Variants in ABCB11 observed in about 807,000 individuals in gnomAD.
ABCB11 encodes bile salt export pump.
In ABCB11, 95 loss-of-function variants were observed where a neutral mutation model predicts 148.0. The observed-to-expected ratio is 0.64, with a 90% CI of 0.54 to 0.76. ABCB11 has a LOEUF of 0.76. ABCB11 is among the 30% of genes least tolerant of loss of function. The pLI is 0.00. For synonymous variants in ABCB11, 591 were observed against 555.4 expected, an observed-to-expected ratio of 1.06 and a Z score of -0.90; for missense variants, 1,523 against 1,617.8, an observed-to-expected ratio of 0.94 and a Z score of 1.01.
chr2:168,978,090 A>G (rs140637528), intron 11 of ABCB11, among the ~76,000 whole-genome samples: 83 of 150,514 alleles, frequency 5.5e-4, no homozygotes, highest in Middle Eastern at 3.5e-3. Flanking sequence ...TTATTTGAGC[A>G]TATAACAATC....
chr2:168,996,422 C>T (rs1244881933), intron 6 of ABCB11, among the ~76,000 whole-genome samples: 1 of 151,764 alleles, frequency 6.6e-6, no homozygotes, highest in Non-Finnish European at 1.5e-5. Context: ...ATTACAACTA[C>T]GAGTCTATTA....
At chr2:168,998,141 G>C (rs544182713) in intron 5 of ABCB11, among the ~76,000 whole-genome samples, 5 of 152,116 alleles carry the variant, frequency 3.3e-5, no homozygotes, top group African/African-American at 7.2e-5. Flanking sequence ...TCTGAACAGA[G>C]AGTATACTAT....
chr2:168,946,690 A>T (rs1040369692), intron 19 of ABCB11, among the ~76,000 whole-genome samples: 1 of 151,778 alleles, frequency 6.6e-6, no homozygotes, highest in African/African-American at 2.4e-5. Flanking sequence ...TGGTCTATAG[A>T]ACAGCAGATT....
At chr2:168,937,601 A>G (rs78262659) in intron 21 of ABCB11, among the ~76,000 whole-genome samples, 2,475 of 152,352 alleles carry the variant, frequency 0.016, 38 homozygotes, top group African/African-American at 0.034. Context: ...CATGGGCTAC[A>G]CATGTGTCAA....
chr2:169,000,345 C>A (rs749503678), intron 5 of ABCB11, among the ~76,000 whole-genome samples: 1 of 151,950 alleles, frequency 6.6e-6, no homozygotes, highest in Non-Finnish European at 1.5e-5. Flanking sequence ...ATGAATTGTG[C>A]TTTTGGTGTC....
downstream of ABCB11, among the ~76,000 whole-genome samples, chr2:168,919,531 C>T (rs140925145): frequency 9.2e-3 from 1,395 of 152,198 alleles, 12 homozygotes; most frequent in Non-Finnish European, 0.015. Flanking sequence ...GATCTCCTTC[C>T]TAATCATCCT....
At chr2:168,933,244 T>C (rs565687919) in intron 23 of ABCB11, among the ~76,000 whole-genome samples, 3 of 152,292 alleles carry the variant, frequency 2.0e-5, no homozygotes, top group Admixed American at 2.0e-4. Context: ...TTATTGAATC[T>C]ATAATAGGTA....
intron 4 of ABCB11, among the ~76,000 whole-genome samples, chr2:169,013,745 G>A (rs1238011262): frequency 6.6e-6 from 1 of 152,062 alleles, no homozygotes; most frequent in Non-Finnish European, 1.5e-5. Flanking sequence ...TAAATTTCCT[G>A]CTCTCTGAAT....
chr2:169,018,580 G>A (rs893652191), intron 1 of ABCB11, among the ~76,000 whole-genome samples: 2 of 152,160 alleles, frequency 1.3e-5, no homozygotes, highest in African/African-American at 2.4e-5. Context: ...ATACTGTTGG[G>A]TAACCTTCAG....
At chr2:169,004,440 C>T (rs1436102931) in intron 5 of ABCB11, among the ~76,000 whole-genome samples, 1 of 152,076 alleles carries the variant, frequency 6.6e-6, no homozygotes, top group African/African-American at 2.4e-5. Flanking sequence ...TTTCTTTCTT[C>T]TGTTTATTTG....
chr2:168,973,426 T>C (rs1270383032), intron 13 of ABCB11, among the ~76,000 whole-genome samples: 1 of 152,096 alleles, frequency 6.6e-6, no homozygotes, highest in Non-Finnish European at 1.5e-5. Context: ...TATAATCTTA[T>C]GGAACCACCA....
intron 8 of ABCB11, among the ~76,000 whole-genome samples, chr2:168,991,861 G>A (rs1251865294): frequency 2.0e-5 from 3 of 147,140 alleles, no homozygotes; most frequent in South Asian, 4.3e-4. Flanking sequence ...TTAAAGAGAC[G>A]GGTTCTTGTT....
At chr2:168,931,250 G>A (rs977597311) in intron 24 of ABCB11, among the ~76,000 whole-genome samples, 9 of 152,064 alleles carry the variant, frequency 5.9e-5, no homozygotes, top group African/African-American at 1.7e-4. Flanking sequence ...CACTTAAAAC[G>A]ACCTAGAAAG....
chr2:168,922,005 C>T lies in ABCB11; in HGVS notation c.*1617G>A, dbSNP rs1013909661. 3.3e-5 allele frequency among the ~76,000 whole-genome samples: 5 copies of T among 151,932 alleles called. No individual in the cohort carries two copies. Among genetic ancestry groups the T allele is most frequent in the African/African-American group, 9.7e-5 (4 of 41,378 alleles). Reference sequence around the variant, plus strand: ...CTGGGACTACAGGCGCCCGCCACCACGCCCGGCTAATTTTTTTGTATTTTT... The same window carrying T: ...CTGGGACTACAGGCGCCCGCCACCATGCCCGGCTAATTTTTTTGTATTTTT... On this transcript the variant is annotated 3_prime_UTR_variant, in exon 28 of 28. Transcript: ENST00000650372.
intron 10 of ABCB11, among the ~76,000 whole-genome samples, chr2:168,982,166 G>A (rs1694155183): frequency 6.6e-6 from 1 of 152,124 alleles, no homozygotes. Flanking sequence ...ATTAAGCTAT[G>A]GGTGTGCTGG....
intron 5 of ABCB11, among the ~76,000 whole-genome samples, chr2:169,003,527 C>T (rs946479091): frequency 1.3e-5 from 2 of 151,806 alleles, no homozygotes; most frequent in Admixed American, 1.3e-4. Context: ...TTTGCAATTG[C>T]AAATTCTGCT....
intron 26 of ABCB11, among the ~76,000 whole-genome samples, chr2:168,926,641 G>T (rs1309428686): frequency 6.6e-6 from 1 of 152,146 alleles, no homozygotes; most frequent in Non-Finnish European, 1.5e-5. Flanking sequence ...TGTTGATGAA[G>T]GATATTTCTT....
chr2:169,023,324 C>A (rs561951778), intron 1 of ABCB11, among the ~76,000 whole-genome samples: 1 of 152,300 alleles, frequency 6.6e-6, no homozygotes, highest in South Asian at 2.1e-4. Context: ...CCAACAGCCT[C>A]CTGAGATGGG....
Position 168,986,232 on chromosome 2 carries a change from C to G in ABCB11, c.961G>C (p.Val321Leu). The G allele has an allele frequency of 6.2e-7, 1 of 1,613,380 alleles. No individual in the cohort carries two copies. Among genetic ancestry groups the G allele is most frequent in the Non-Finnish European group, 8.5e-7 (1 of 1,179,614 alleles). The change falls in exon 10 of 28, where the codon GTG (valine) becomes CTG (leucine). Residue 321 changes from valine to leucine, a missense_variant. Transcript: ENST00000650372. The part of the protein sequence containing the change: ...AQRWGIRKGI[V>L]MGFFTGFVWC... ...ACGAATCCAGTAAAGAATCCCATCA[C>G]TATTCCTTTTCTAATTCCCCAACGC...
Sources: allele counts gnomAD v4.1 joint callset (sites outside exome capture counted in the v4.1 genomes callset), GRCh38; gene constraint gnomAD v4.1.1; transcripts MANE v1.5; gene names NCBI Gene and HGNC (gene_info 2026-07-23, HGNC 2026-07-21).